The following NLRP2 variants were observed in gnomAD, a reference collection of about 807,000 sequenced individuals.
The protein encoded by NLRP2 is NACHT, LRR and PYD domains-containing protein 2.
In NLRP2, 107 loss-of-function variants were observed where a neutral mutation model predicts 97.2. The ratio of observed to expected loss-of-function variants is 1.10; its 90% CI spans 0.94 to 1.29. The LOEUF is 1.29. NLRP2 is among the 50% of genes most tolerant of loss of function. The pLI, the probability that NLRP2 is intolerant of heterozygous loss-of-function variation, is 0.00. For missense variants in NLRP2, 1,495 were observed against 1,330.3 expected, an observed-to-expected ratio of 1.12 and a Z score of -1.93; for synonymous variants, 663 against 551.5, an observed-to-expected ratio of 1.20 and a Z score of -2.83.
At chr19:54,993,263 T>C (rs1297072154) in intron 10 of NLRP2, 1 of 145,380 alleles carries the variant, frequency 6.9e-6, no homozygotes, top group African/African-American at 2.5e-5. Flanking sequence ...AGTTTCAAGA[T>C]TTGGGGGTGT....
Position 54,978,826 on chromosome 19 carries a change from A to G in NLRP2, c.397+1003A>G, listed in dbSNP as rs946278880. On this transcript the variant is annotated intron_variant, in intron 4 of 12. Transcript: ENST00000448584. ...TGTGCCACTGCACTCCAGCCTGGCAACAGTGCGAGACTCCATCTTAAAAAA... is the reference window on the plus strand; with the variant it reads ...TGTGCCACTGCACTCCAGCCTGGCAGCAGTGCGAGACTCCATCTTAAAAAA... 5.5e-4 allele frequency among the ~76,000 whole-genome samples: 82 copies of G among 149,670 alleles called. 1 individual carries two copies. The highest frequency in any genetic ancestry group is 2.0e-3 in the African/African-American group (80 of 40,434).
intron 3 of NLRP2, among the ~76,000 whole-genome samples, chr19:54,976,696 C>T (rs144093048): frequency 0.012 from 1,768 of 152,044 alleles, 23 homozygotes; most frequent in South Asian, 0.021. Context: ...CTGAATTTCA[C>T]ATGCCCGTGT....
At chr19:54,988,638 A>G (rs1444482837) in intron 8 of NLRP2, among the ~76,000 whole-genome samples, 7 of 151,976 alleles carry the variant, frequency 4.6e-5, no homozygotes, top group Non-Finnish European at 1.5e-5. Flanking sequence ...AGTGACATCC[A>G]TCTTCCAAAA....
At chr19:54,998,755 G>A (rs1346264127) in intron 12 of NLRP2, among the ~76,000 whole-genome samples, 1 of 148,394 alleles carries the variant, frequency 6.7e-6, no homozygotes, top group Non-Finnish European at 1.5e-5. Context: ...AAGGTCTCTG[G>A]TTTTCCTAGG....
At chr19:54,998,938 C>T (rs8105075) in intron 12 of NLRP2, among the ~76,000 whole-genome samples, 1 of 151,630 alleles carries the variant, frequency 6.6e-6, no homozygotes, top group Admixed American at 6.6e-5. Context: ...TCAGAGAGCA[C>T]GGGGTTGGGG....
rs368936931 is a variant in NLRP2 at position 54,977,784 on chromosome 19, G to A, written c.358G>A (p.Val120Met). 3.1e-4 allele frequency: 503 copies of A among 1,613,698 alleles called. No individual in the cohort carries two copies. The highest frequency in any genetic ancestry group is 4.2e-4 in the Non-Finnish European group (499 of 1,179,998). The change falls in exon 4 of 13, where the codon GTG becomes ATG. Residue 120 changes from valine (V) to methionine (M), a missense_variant. Coordinates refer to ENST00000448584, the MANE Select transcript of NLRP2 (RefSeq NM_017852.5). ...ITRKERPPLD[V>M]DEMLERFKTE... is the part of the protein sequence containing the mutation. The stretch of plus-strand genomic sequence containing the variant: ...ACGGAAAGAACGACCACCTCTAGAC[G>A]TGGACGAAATGCTGGAGCGCTTCAA...
chr19:54,986,976 C>T (rs1208859483), intron 8 of NLRP2, among the ~76,000 whole-genome samples: 2 of 152,008 alleles, frequency 1.3e-5, no homozygotes, highest in Admixed American at 6.6e-5. Context: ...CCTCCACCTC[C>T]CAGGTTCAAG....
At chr19:54,996,561 C>T (rs2072835582) in intron 11 of NLRP2, among the ~76,000 whole-genome samples, 1 of 152,092 alleles carries the variant, frequency 6.6e-6, no homozygotes. Context: ...TCAGTGCTTC[C>T]CTATGTCAAT....
Position 54,973,644 on chromosome 19 carries a change from G to C in NLRP2, c.281-856G>C, listed in dbSNP as rs138777082. On this transcript the variant is annotated intron_variant, in intron 2 of 12. Coordinates refer to ENST00000448584, the MANE Select transcript of NLRP2 (RefSeq NM_017852.5). ...CCACCTCAGCCTCCCAGAGTGCTGG[G>C]ATTACAGGTGTGAGCAACCATGCCC... Among the ~76,000 whole-genome samples the C allele has an allele frequency of 5.8e-3, 888 of 152,214 alleles. 4 individuals carry two copies. Among genetic ancestry groups the C allele is most frequent in the Non-Finnish European group, 6.5e-3 (442 of 68,028 alleles).
At chr19:54,994,557 G>A (rs2072699594) in intron 11 of NLRP2, 118 bp downstream of exon 11, 1 of 1,040,006 alleles carries the variant, frequency 9.6e-7, no homozygotes, top group Admixed American at 1.8e-5. Context: ...CCTTTATAGA[G>A]TCGATCGAGC....
At chr19:54,992,089 A>G (rs2072513068) in intron 10 of NLRP2, among the ~76,000 whole-genome samples, 1 of 151,066 alleles carries the variant, frequency 6.6e-6, no homozygotes, top group Admixed American at 6.6e-5. Flanking sequence ...GCTAATTTTT[A>G]TATTTTTAGT....
At chr19:54,967,493 A>G (rs888502066) in intron 1 of NLRP2, among the ~76,000 whole-genome samples, 1 of 152,098 alleles carries the variant, frequency 6.6e-6, no homozygotes, top group Non-Finnish European at 1.5e-5. Context: ...AAAATAAAAT[A>G]AAATAAAATT....
intron 3 of NLRP2, 42 bp downstream of exon 3, chr19:54,974,586 C>T: frequency 7.4e-7 from 1 of 1,347,698 alleles, no homozygotes; most frequent in Non-Finnish European, 1.1e-6. Context: ...CATGTGAGAT[C>T]TGGGGACTCG....
rs2071750265 is a variant in NLRP2 at position 54,983,174 on chromosome 19, C to T, written c.1476C>T (p.Asp492=). Residue 492 remains aspartate, a synonymous_variant, in exon 6 of 13, where the codon GAC becomes GAT. Coordinates refer to ENST00000448584, the MANE Select transcript of NLRP2 (RefSeq NM_017852.5). ...LFLDGDILRQ[D]RVSKGCYSFI... ...TGGACGGAGACATCCTCCGCCAGGA[C>T]AGAGTCTCCAAAGGCTGCTACTCCT... 1.2e-6 allele frequency: 2 copies of T among 1,614,034 alleles called. No individual in the cohort carries two copies. The highest frequency in any genetic ancestry group is 2.2e-5 in the East Asian group (1 of 44,866).
intron 1 of NLRP2, among the ~76,000 whole-genome samples, chr19:54,969,513 A>G (rs931105639): frequency 1.3e-5 from 2 of 148,446 alleles, no homozygotes; most frequent in South Asian, 2.1e-4. Context: ...AAAGTAGCTG[A>G]GCGTGGTGGT....
At chr19:54,976,492 G>A (rs1444143317) in intron 3 of NLRP2, among the ~76,000 whole-genome samples, 1 of 151,424 alleles carries the variant, frequency 6.6e-6, no homozygotes, top group East Asian at 1.9e-4. Flanking sequence ...GATTACAGGC[G>A]CCTACCACCA....
chr19:54,977,937 C>T, intron 4 of NLRP2, 114 bp downstream of exon 4: 2 of 954,814 alleles, frequency 2.1e-6, no homozygotes, highest in South Asian at 2.7e-5. Flanking sequence ...CTCCACTATT[C>T]TTAATGTGCC....
At chr19:54,980,053 G>C (rs1413166181) in intron 4 of NLRP2, among the ~76,000 whole-genome samples, 1 of 152,076 alleles carries the variant, frequency 6.6e-6, no homozygotes. Flanking sequence ...GGGATGACAG[G>C]CGTGAGCCAC....
At chr19:54,992,854 G>A (rs1049781319) in intron 10 of NLRP2, among the ~76,000 whole-genome samples, 8 of 151,770 alleles carry the variant, frequency 5.3e-5, no homozygotes, top group Non-Finnish European at 7.4e-5. Flanking sequence ...CCACCGTGCC[G>A]GCCCCCTCAA....
Sources: gnomAD v4.1 joint callset for allele counts (sites outside exome capture counted in the v4.1 genomes callset) on GRCh38, gnomAD v4.1.1 for gene constraint, MANE v1.5 for transcripts, NCBI Gene and HGNC (gene_info 2026-07-23, HGNC 2026-07-21) for gene names.